The following TCF20 variants were observed in gnomAD, a reference collection of about 807,000 sequenced individuals.
The protein encoded by TCF20 is transcription factor 20, also known as SPRE-binding protein.
TCF20 carries 3 observed loss-of-function variants against 148.6 expected under a neutral mutation model. The ratio of observed to expected loss-of-function variants is 0.02; its 90% confidence interval spans 0.01 to 0.05. TCF20 has a LOEUF of 0.05. Among genes scored for constraint, TCF20 ranks in the 10% least tolerant of loss-of-function variants. The pLI, the probability that TCF20 is intolerant of heterozygous loss-of-function variation, is 1.00. For missense variants in TCF20, 2,350 were observed against 2,429.3 expected (o/e 0.97, Z 0.69); for synonymous variants, 1,049 against 909.5 (o/e 1.15, Z -2.76).
intron 1 of TCF20, among the ~76,000 whole-genome samples, chr22:42,215,638 A>AT (rs1921690731): frequency 1.3e-5 from 2 of 151,880 alleles, no homozygotes; most frequent in African/African-American, 4.8e-5. Flanking sequence ...GGCTCGGCTA[A>AT]TTTTTTGTAT....
intron 1 of TCF20, among the ~76,000 whole-genome samples, chr22:42,326,464 A>T (rs1927877621): frequency 6.6e-6 from 1 of 152,170 alleles, no homozygotes; most frequent in African/African-American, 2.4e-5. Context: ...GTCGCCTGCT[A>T]TGCTGCCAGC....
chr22:42,197,380 T>C (rs1470733167), intron 2 of TCF20, among the ~76,000 whole-genome samples: 1 of 150,516 alleles, frequency 6.6e-6, no homozygotes, highest in Non-Finnish European at 1.5e-5. Flanking sequence ...TGGAGGGCAG[T>C]GGCGCGATCT....
intron 1 of TCF20, among the ~76,000 whole-genome samples, chr22:42,298,912 A>T (rs1197753059): frequency 6.6e-6 from 1 of 152,172 alleles, no homozygotes; most frequent in East Asian, 1.9e-4. Context: ...CCCTGCCTCA[A>T]GTCGGGGGAG....
At chr22:42,318,701 G>C (rs1569208429) in intron 1 of TCF20, among the ~76,000 whole-genome samples, 4 of 152,206 alleles carry the variant, frequency 2.6e-5, no homozygotes. Flanking sequence ...AGGTGACCTG[G>C]GGTTTCTGTG....
intron 2 of TCF20, among the ~76,000 whole-genome samples, chr22:42,192,777 C>T (rs763448977): frequency 6.6e-6 from 1 of 152,188 alleles, no homozygotes. Context: ...AGGTCATGCT[C>T]AAACCGGGGC....
At chr22:42,186,644 G>A (rs1376777410) in intron 2 of TCF20, among the ~76,000 whole-genome samples, 1 of 152,146 alleles carries the variant, frequency 6.6e-6, no homozygotes, top group Non-Finnish European at 1.5e-5. Context: ...GCTGCTGTAT[G>A]TTTCAGTAAT....
At chr22:42,315,365 G>A (rs976031106) in intron 1 of TCF20, among the ~76,000 whole-genome samples, 5 of 152,210 alleles carry the variant, frequency 3.3e-5, no homozygotes, top group African/African-American at 1.2e-4. Context: ...GTGAGGACAG[G>A]CTCAGAGAGG....
rs983524451 is a variant in TCF20, at chr22:42,338,974, T to C, written c.-37+4505A>G. The stretch of plus-strand genomic sequence containing the variant: ...TCATCTATATCCAGGGAGACAGGGT[T>C]GTTCCAGAAGGCATCCAGCCCTTTA... On this transcript the variant is annotated intron_variant, in intron 1 of 1. Transcript: ENST00000515426. This position sits in a 1 kb window ranked among gnomAD's most constrained non-coding sequence, Gnocchi z 4.0. Among the ~76,000 whole-genome samples the C allele has an allele frequency of 3.3e-5, 5 of 152,156 alleles. No individual in the cohort carries two copies. Among genetic ancestry groups the C allele is most frequent in the African/African-American group, 7.2e-5 (3 of 41,414 alleles).
chr22:42,211,958 C>T lies in TCF20; in HGVS notation c.3348G>A (p.Gln1116=). 1 of 1,614,226 alleles carries T rather than the reference C, an allele frequency of 6.2e-7. No individual in the cohort carries two copies. The highest frequency in any genetic ancestry group is 2.2e-5 in the East Asian group (1 of 44,884). ...QGVIAAAQHR[Q]EGPRKSPRQQ... The stretch of plus-strand genomic sequence containing the variant: ...GCCTTGGACTCTTCCGTGGCCCCTC[C>T]TGCCTGTGCTGTGCTGCAGCAATTA... The change falls in exon 2 of 6, where the codon CAG becomes CAA. Residue 1116 remains glutamine, a synonymous_variant. Transcript: ENST00000677622.
intron 1 of TCF20, among the ~76,000 whole-genome samples, chr22:42,221,110 T>C (rs911307564): frequency 1.3e-5 from 2 of 152,210 alleles, no homozygotes; most frequent in Non-Finnish European, 2.9e-5. Flanking sequence ...AGCATGGTTC[T>C]GGGTTAGAGT....
intron 2 of TCF20, among the ~76,000 whole-genome samples, chr22:42,206,096 G>T (rs1356378609): frequency 6.6e-6 from 1 of 152,102 alleles, no homozygotes; most frequent in African/African-American, 2.4e-5. Context: ...TGAGACACAG[G>T]ATCTAGAGAT....
intron 1 of TCF20, among the ~76,000 whole-genome samples, chr22:42,304,472 AACTC>A (rs1183265992): frequency 6.6e-6 from 1 of 152,162 alleles, no homozygotes; most frequent in Non-Finnish European, 1.5e-5. Context: ...GAGCCCTCCC[AACTC>A]ACTGAGAGGA....
intron 1 of TCF20, among the ~76,000 whole-genome samples, chr22:42,259,057 C>A (rs1925895187): frequency 6.6e-6 from 1 of 152,206 alleles, no homozygotes; most frequent in Non-Finnish European, 1.5e-5. Context: ...CTCCACCCAA[C>A]TGACATTTCT....
chr22:42,170,692 C>A (rs985836726), intron 3 of TCF20, among the ~76,000 whole-genome samples: 1 of 140,468 alleles, frequency 7.1e-6, no homozygotes, highest in Non-Finnish European at 1.5e-5. Flanking sequence ...AACAATAATT[C>A]TCTTTGGGTA....
At chr22:42,253,554 G>A (rs114532302) in intron 1 of TCF20, among the ~76,000 whole-genome samples, 2,586 of 151,966 alleles carry the variant, frequency 0.017, 75 homozygotes, top group African/African-American at 0.059. Flanking sequence ...AAATATAGGC[G>A]TATGAAAAAC....
intron 2 of TCF20, among the ~76,000 whole-genome samples, chr22:42,199,494 T>A (rs377076310): frequency 6.6e-6 from 1 of 152,116 alleles, no homozygotes; most frequent in Non-Finnish European, 1.5e-5. Flanking sequence ...ATAAAAATGT[T>A]TGACATGTGC....
At chr22:42,332,180 T>A (rs1379971212) in intron 1 of TCF20, among the ~76,000 whole-genome samples, 1 of 152,208 alleles carries the variant, frequency 6.6e-6, no homozygotes, top group Non-Finnish European at 1.5e-5. Context: ...CCTGATAACA[T>A]GCACCAGGAA....
chr22:42,177,497 T>C (rs1228682731), intron 3 of TCF20, among the ~76,000 whole-genome samples: 1 of 152,214 alleles, frequency 6.6e-6, no homozygotes, highest in Non-Finnish European at 1.5e-5. Flanking sequence ...AAACACCCAC[T>C]GAAGGGACTA....
chr22:42,340,320 A>G (rs1346290741), intron 1 of TCF20, among the ~76,000 whole-genome samples: 4 of 152,202 alleles, frequency 2.6e-5, no homozygotes, highest in Non-Finnish European at 5.9e-5. Flanking sequence ...GTTCTGGATG[A>G]ATGAATGAGT....
Sources: allele counts gnomAD v4.1 joint callset (sites outside exome capture counted in the v4.1 genomes callset), GRCh38; gene constraint gnomAD v4.1.1; non-coding constraint Gnocchi (gnomAD v3.1); transcripts MANE v1.5; gene names NCBI Gene and HGNC (gene_info 2026-07-23, HGNC 2026-07-21).